Variants in ADCY8 observed in about 807,000 individuals in gnomAD.
ADCY8 encodes the protein adenylate cyclase type 8.
A neutral mutation model predicts 119.7 loss-of-function variants in ADCY8; 51 were observed. The observed-to-expected ratio is 0.43, with a 90% CI of 0.34 to 0.54. ADCY8 has a LOEUF of 0.54. Among genes scored for constraint, ADCY8 ranks in the 20% least tolerant of loss-of-function variants. The probability of loss-of-function intolerance (pLI) is 0.03; values close to 1 mark genes in which losing one functional copy is unlikely to be tolerated. For missense variants in ADCY8, 1,383 were observed against 1,598.8 expected (o/e 0.87, Z 2.30); for synonymous variants, 665 against 651.0 (o/e 1.02, Z -0.33).
At chr8:130,830,266 G>A (rs1171479141) in intron 12 of ADCY8, among the ~76,000 whole-genome samples, 1 of 152,096 alleles carries the variant, frequency 6.6e-6, no homozygotes, top group Non-Finnish European at 1.5e-5. Context: ...TGTTCAAAAT[G>A]GTGGCTCCAT....
At chr8:130,807,713 G>A (rs962911097) in intron 14 of ADCY8, among the ~76,000 whole-genome samples, 3 of 152,070 alleles carry the variant, frequency 2.0e-5, no homozygotes, top group Admixed American at 6.5e-5. Flanking sequence ...CGCCGGGCGC[G>A]GTGGCTCATG....
chr8:130,938,556 C>T (rs903422902), intron 4 of ADCY8, among the ~76,000 whole-genome samples: 1 of 152,022 alleles, frequency 6.6e-6, no homozygotes, highest in Non-Finnish European at 1.5e-5. Flanking sequence ...ATAAAAAGTA[C>T]CCACTGAGAG....
At chr8:130,831,004 G>A (rs747172568) in intron 12 of ADCY8, among the ~76,000 whole-genome samples, 5 of 152,114 alleles carry the variant, frequency 3.3e-5, no homozygotes, top group Middle Eastern at 3.2e-3. Context: ...GACTATGAGA[G>A]GACAAAACAC....
intron 3 of ADCY8, among the ~76,000 whole-genome samples, chr8:130,949,034 C>T (rs936670686): frequency 6.6e-6 from 1 of 152,040 alleles, no homozygotes; most frequent in African/African-American, 2.4e-5. Context: ...CCCCTAGTAA[C>T]GGCTCTGAAA....
chr8:130,798,154 G>A (rs1815645509), intron 15 of ADCY8, among the ~76,000 whole-genome samples: 1 of 152,186 alleles, frequency 6.6e-6, no homozygotes, highest in South Asian at 2.1e-4. Context: ...AACCTATAGA[G>A]ATTAGTAACA....
intron 1 of ADCY8, among the ~76,000 whole-genome samples, chr8:131,005,457 C>T (rs1243835815): frequency 6.6e-6 from 1 of 152,162 alleles, no homozygotes; most frequent in East Asian, 1.9e-4. Context: ...CTGTGTACTT[C>T]CAGGCTTCTA....
At chr8:130,984,270 C>T (rs1452419447) in intron 2 of ADCY8, among the ~76,000 whole-genome samples, 2 of 152,084 alleles carry the variant, frequency 1.3e-5, no homozygotes, top group Non-Finnish European at 2.9e-5. Flanking sequence ...GGTAGACTGC[C>T]TGTGGGGAGG....
At chr8:130,963,123 T>G (rs1038496732) in intron 2 of ADCY8, among the ~76,000 whole-genome samples, 9 of 151,756 alleles carry the variant, frequency 5.9e-5, no homozygotes, top group Admixed American at 4.6e-4. Context: ...CTTTTTTTTT[T>G]TTTTTTTCTG....
At chr8:131,000,395 C>G (rs1486105743) in intron 1 of ADCY8, among the ~76,000 whole-genome samples, 1 of 152,142 alleles carries the variant, frequency 6.6e-6, no homozygotes, top group Non-Finnish European at 1.5e-5. Flanking sequence ...CTCATATATG[C>G]AGGTAAACGA....
intron 5 of ADCY8, among the ~76,000 whole-genome samples, chr8:130,929,413 T>C (rs2130605591): frequency 6.6e-6 from 1 of 152,326 alleles, no homozygotes; most frequent in Non-Finnish European, 1.5e-5. Context: ...CAGGAGCATG[T>C]TGTTTAATTT....
chr8:130,804,012 T>A (rs1008861685), intron 14 of ADCY8, among the ~76,000 whole-genome samples: 1 of 152,128 alleles, frequency 6.6e-6, no homozygotes, highest in East Asian at 1.9e-4. Context: ...AAAGGTGGAT[T>A]TCTGTTTTCC....
intron 5 of ADCY8, among the ~76,000 whole-genome samples, chr8:130,922,117 G>A (rs1393058435): frequency 6.6e-6 from 1 of 151,946 alleles, no homozygotes; most frequent in Admixed American, 6.6e-5. Context: ...CTTTCACAGC[G>A]AGTCTCCAGC....
chr8:130,846,574 C>A (rs1315994243), intron 11 of ADCY8, among the ~76,000 whole-genome samples: 1 of 124,764 alleles, frequency 8.0e-6, no homozygotes, highest in Admixed American at 7.7e-5. Flanking sequence ...CTTCCTTCCC[C>A]TTCTTCCCCT....
chr8:130,960,568 C>T (rs545262314), intron 2 of ADCY8, among the ~76,000 whole-genome samples: 5 of 151,876 alleles, frequency 3.3e-5, no homozygotes, highest in East Asian at 1.9e-4. Flanking sequence ...TAGGCACAGG[C>T]GAGAATGATA....
intron 3 of ADCY8, among the ~76,000 whole-genome samples, chr8:130,951,395 T>C (rs1821266395): frequency 6.6e-6 from 1 of 152,074 alleles, no homozygotes; most frequent in Non-Finnish European, 1.5e-5. Flanking sequence ...CATGGATGGA[T>C]GGATAGATGG....
At chr8:130,841,805 GA>G (rs1817150656) in intron 11 of ADCY8, among the ~76,000 whole-genome samples, 1 of 152,164 alleles carries the variant, frequency 6.6e-6, no homozygotes, top group South Asian at 2.1e-4. Context: ...ATAGTTTAAA[GA>G]AATCATCTGG....
At chr8:130,876,858 C>G (rs566396960) in intron 8 of ADCY8, among the ~76,000 whole-genome samples, 1 of 152,268 alleles carries the variant, frequency 6.6e-6, no homozygotes, top group East Asian at 1.9e-4. Context: ...GAATTTCAAA[C>G]TATATGAAAA....
chr8:131,001,816 A>G (rs2130763614), intron 1 of ADCY8, among the ~76,000 whole-genome samples: 1 of 152,270 alleles, frequency 6.6e-6, no homozygotes, highest in East Asian at 1.9e-4. Context: ...GAAATATCCC[A>G]GAGGACCATG....
intron 5 of ADCY8, among the ~76,000 whole-genome samples, chr8:130,922,635 C>A (rs948048349): frequency 2.0e-5 from 3 of 152,104 alleles, no homozygotes; most frequent in African/African-American, 7.2e-5. Flanking sequence ...GGCAACCATC[C>A]GATTTCTCAA....
Sources: gnomAD v4.1 joint callset for allele counts (sites outside exome capture counted in the v4.1 genomes callset) on GRCh38, gnomAD v4.1.1 for gene constraint, MANE v1.5 for transcripts, NCBI Gene and HGNC (gene_info 2026-07-23, HGNC 2026-07-21) for gene names.